Variants in NOL10 observed in about 807,000 individuals in gnomAD.
The protein encoded by NOL10 is H_NH0074G24.1.
Under a neutral mutation model 103.5 loss-of-function variants are expected in NOL10, and 58 were observed. The ratio of observed to expected loss-of-function variants is 0.56; its 90% CI spans 0.45 to 0.70. The LOEUF is 0.70. Among genes scored for constraint, NOL10 ranks in the 30% least tolerant of loss-of-function variants. NOL10 has a pLI of 0.00. For missense variants in NOL10, 763 were observed against 807.3 expected (o/e 0.95, Z 0.67); for synonymous variants, 287 against 282.5 (o/e 1.02, Z -0.16).
At chr2:10,606,960 T>A (rs981774056) in intron 14 of NOL10, among the ~76,000 whole-genome samples, 5 of 152,180 alleles carry the variant, frequency 3.3e-5, no homozygotes, top group African/African-American at 1.2e-4. Context: ...TAAATTCTCA[T>A]TTAAAATACA....
At chr2:10,677,366 A>T (rs1681384737) in intron 3 of NOL10, among the ~76,000 whole-genome samples, 1 of 152,220 alleles carries the variant, frequency 6.6e-6, no homozygotes, top group South Asian at 2.1e-4. Context: ...ACATCTTAAA[A>T]ATAAAAGAAT....
chr2:10,634,456 G>C (rs1012995996), intron 13 of NOL10: 1 of 454,838 alleles, frequency 2.2e-6, no homozygotes, highest in African/African-American at 2.0e-5. Flanking sequence ...AGCTGGATCA[G>C]AAGTTCTGAT....
At chr2:10,603,979 A>G (rs1335351890) in intron 14 of NOL10, among the ~76,000 whole-genome samples, 2 of 152,216 alleles carry the variant, frequency 1.3e-5, no homozygotes, top group Admixed American at 1.3e-4. Context: ...GTTTTGTAGA[A>G]GACAATTTTT....
Position 10,579,915 on chromosome 2 carries a change from G to A in NOL10, c.1845-2177C>T, listed in dbSNP as rs781695263. On this transcript the variant is annotated intron_variant, in intron 19 of 20. Coordinates refer to ENST00000381685, the MANE Select transcript of NOL10 (RefSeq NM_024894.4). The stretch of plus-strand genomic sequence containing the variant: ...GAGCAATTATTACTCTGTTAAGAAT[G>A]ACCTTACTTCCTCCATGATAGGGCA... Among the ~76,000 whole-genome samples the A allele has an allele frequency of 1.3e-3, 194 of 152,174 alleles. 2 individuals carry two copies. Among genetic ancestry groups the A allele is most frequent in the Non-Finnish European group, 3.7e-4 (25 of 68,036 alleles).
chr2:10,655,071 A>G (rs2015525), intron 11 of NOL10, among the ~76,000 whole-genome samples: 117,859 of 151,572 alleles, frequency 0.78, 47,011 homozygotes, highest in Middle Eastern at 0.94. Context: ...TTAGCCGGGC[A>G]TCGTGGCCTG....
intron 1 of NOL10, among the ~76,000 whole-genome samples, chr2:10,686,137 TAAGG>T (rs1459815542): frequency 1.3e-5 from 2 of 151,358 alleles, no homozygotes; most frequent in Non-Finnish European, 2.9e-5. Flanking sequence ...CACCAACAAA[TAAGG>T]AAGTAAAACA....
At chr2:10,588,682 GA>G (rs1422769817) in intron 19 of NOL10, among the ~76,000 whole-genome samples, 1 of 152,160 alleles carries the variant, frequency 6.6e-6, no homozygotes, top group Non-Finnish European at 1.5e-5. Context: ...ACCCCATGGG[GA>G]AAAAACAAGG....
chr2:10,583,361 C>T (rs1674859075), intron 19 of NOL10, among the ~76,000 whole-genome samples: 1 of 152,190 alleles, frequency 6.6e-6, no homozygotes, highest in African/African-American at 2.4e-5. Context: ...TAGCCCTAAT[C>T]TTACTTTATA....
At chr2:10,663,907 C>T (rs1680387508) in intron 8 of NOL10, among the ~76,000 whole-genome samples, 1 of 150,414 alleles carries the variant, frequency 6.6e-6, no homozygotes, top group Non-Finnish European at 1.5e-5. Context: ...GCCGAGATCG[C>T]ACCACTGCAC....
rs1045597 is a variant in NOL10, at chr2:10,571,855, C to T, written c.*216G>A. 0.18 allele frequency: 79,974 copies of T among 435,740 alleles called. 11,382 individuals carry two copies. The highest frequency in any genetic ancestry group is 0.45 in the African/African-American group (22,234 of 49,790). The allele number at this position is 435,740 out of a possible 1,614,324, so 27.0% of individuals were successfully genotyped here. A position where few individuals can be genotyped will look rare whatever the true frequency, so the allele number is the denominator to read the frequency against. On this transcript the variant is annotated 3_prime_UTR_variant, in exon 21 of 21. Transcript: ENST00000381685. Reference sequence around the variant, plus strand: ...ACAATGTTTCCAGGGAGCAACGACTCGCAAGCACACCCCTGGGGCTGTGCG... The same window carrying T: ...ACAATGTTTCCAGGGAGCAACGACTTGCAAGCACACCCCTGGGGCTGTGCG...
At chr2:10,656,863 CCATTT>C (rs1679871339) in intron 11 of NOL10, among the ~76,000 whole-genome samples, 1 of 152,104 alleles carries the variant, frequency 6.6e-6, no homozygotes, top group African/African-American at 2.4e-5. Context: ...TGCATTTTTC[CCATTT>C]ATTTGATCAA....
chr2:10,668,304 A>G (rs1352218596), intron 7 of NOL10, among the ~76,000 whole-genome samples: 3 of 152,220 alleles, frequency 2.0e-5, no homozygotes, highest in Non-Finnish European at 4.4e-5. Flanking sequence ...AGCAGAGCAT[A>G]AAAATTTAAA....
chr2:10,603,129 G>C lies in NOL10; in HGVS notation c.1182C>G (p.Phe394Leu), dbSNP rs774391004. The change falls in exon 15 of 21, where the codon TTC (phenylalanine) becomes TTG (leucine). Residue 394 changes from phenylalanine to leucine, a missense_variant. Phe to Leu is a conservative substitution (Grantham distance 22). Transcript: ENST00000381685. ...LGLTHLIGSP[F>L]LRAYMHGFFM... ...AAAACCCATGCATATATGCCCGGAGGAAAGGAGATCCAATGAGGTGGGTGA... is the reference window on the plus strand; with the variant it reads ...AAAACCCATGCATATATGCCCGGAGCAAAGGAGATCCAATGAGGTGGGTGA... The C allele has an allele frequency of 6.2e-7, 1 of 1,611,732 alleles. No individual in the cohort carries two copies. The highest frequency in any genetic ancestry group is 8.5e-7 in the Non-Finnish European group (1 of 1,178,864).
In NOL10 at chr2:10,587,236, TATAC is replaced by T. The variant is rs1675144000; in HGVS notation, c.1844+1803_1844+1806del. On this transcript the variant is annotated intron_variant, in intron 19 of 20. Coordinates refer to ENST00000381685, the MANE Select transcript of NOL10 (RefSeq NM_024894.4). The stretch of plus-strand genomic sequence containing the variant: ...ATATATACATATATATACATATATA[TATAC>T]ATACATATATATATATACACATATA... Among the ~76,000 whole-genome samples, 2 of 52,300 alleles carry T rather than the reference TATAC, an allele frequency of 3.8e-5. 1 individual carries two copies. Among genetic ancestry groups the T allele is most frequent in the Non-Finnish European group, 6.9e-5 (2 of 29,072 alleles). The allele number at this position is 52,300 out of a possible 152,430, so 34.3% of individuals were successfully genotyped here.
At chr2:10,689,710 G>C in intron 1 of NOL10, 86 bp downstream of exon 1, 1 of 1,356,616 alleles carries the variant, frequency 7.4e-7, no homozygotes, top group Non-Finnish European at 1.0e-6. Context: ...CTAAAACAGA[G>C]GCTAGGGCCG....
At chr2:10,656,471 G>A (rs777201015) in intron 11 of NOL10, among the ~76,000 whole-genome samples, 1 of 152,190 alleles carries the variant, frequency 6.6e-6, no homozygotes. Context: ...TATGAATTAG[G>A]TGAGGGCCTC....
intron 14 of NOL10, among the ~76,000 whole-genome samples, chr2:10,603,475 A>G (rs1676091910): frequency 6.6e-6 from 1 of 152,180 alleles, no homozygotes; most frequent in Non-Finnish European, 1.5e-5. Context: ...AATTTAGAAA[A>G]TAATACTGGG....
intron 19 of NOL10, among the ~76,000 whole-genome samples, 156 bp from the exon 20 acceptor site, chr2:10,577,894 T>G (rs554862289): frequency 1.3e-5 from 2 of 152,312 alleles, no homozygotes; most frequent in South Asian, 4.1e-4. Flanking sequence ...AAGAATTAGG[T>G]GCATTCAAAT....
chr2:10,575,989 G>A (rs1480292511), intron 20 of NOL10, among the ~76,000 whole-genome samples: 5 of 152,234 alleles, frequency 3.3e-5, no homozygotes, highest in South Asian at 2.1e-4. Flanking sequence ...TTAGAATAAT[G>A]AAGTTTTTTA....
Sources: allele counts gnomAD v4.1 joint callset (sites outside exome capture counted in the v4.1 genomes callset), GRCh38; gene constraint gnomAD v4.1.1; transcripts MANE v1.5; gene names NCBI Gene and HGNC (gene_info 2026-07-23, HGNC 2026-07-21).